Variants in PPFIBP2 observed in about 807,000 individuals in gnomAD.
PPFIBP2 encodes liprin-beta-2.
PPFIBP2 carries 118 observed loss-of-function variants against 118.3 expected under a neutral mutation model. The observed-to-expected ratio is 1.00, with a 90% confidence interval of 0.86 to 1.16. The LOEUF is 1.16. Among genes scored for constraint, PPFIBP2 ranks in the 50% most tolerant of loss-of-function variants. PPFIBP2 has a pLI of 0.00. For synonymous variants in PPFIBP2, 414 were observed against 397.4 expected (o/e 1.04, Z -0.50); for missense variants, 1,195 against 1,073.1 (o/e 1.11, Z -1.59).
chr11:7,625,326 G>A (rs977315725), intron 7 of PPFIBP2, among the ~76,000 whole-genome samples: 2 of 152,222 alleles, frequency 1.3e-5, no homozygotes. Context: ...CATTTTCTCT[G>A]TGGGTTGGAA....
chr11:7,516,772 C>A (rs1029366056), intron 1 of PPFIBP2, among the ~76,000 whole-genome samples: 4 of 152,148 alleles, frequency 2.6e-5, no homozygotes, highest in Non-Finnish European at 5.9e-5. Context: ...TGTCTTCTGG[C>A]CGGCTGTCTT....
the PPFIBP2 span, chr11:7,665,785 G>A: frequency 2.1e-6 from 3 of 1,459,168 alleles, no homozygotes; most frequent in African/African-American, 1.4e-5. Context: ...CTGTCTGTCA[G>A]CTGTCAGCAT....
At chr11:7,517,909 A>C (rs1348453626) in intron 1 of PPFIBP2, among the ~76,000 whole-genome samples, 1 of 152,186 alleles carries the variant, frequency 6.6e-6, no homozygotes, top group Non-Finnish European at 1.5e-5. Flanking sequence ...GGCCGCTCAT[A>C]GTCCGACTTC....
chr11:7,621,521 GC>G (rs1340608731), intron 7 of PPFIBP2, among the ~76,000 whole-genome samples: 1 of 152,174 alleles, frequency 6.6e-6, no homozygotes, highest in Non-Finnish European at 1.5e-5. Flanking sequence ...AAACTAGGGA[GC>G]CTGCAATTTA....
chr11:7,656,922 G>C, downstream of PPFIBP2: 1 of 664,716 alleles, frequency 1.5e-6, no homozygotes, highest in Non-Finnish European at 2.4e-6. Context: ...GTCTCAGACA[G>C]GCTGCTGACA....
intron 4 of PPFIBP2, among the ~76,000 whole-genome samples, chr11:7,593,425 C>T (rs923421945): frequency 2.6e-5 from 4 of 152,160 alleles, no homozygotes; most frequent in African/African-American, 9.7e-5. Flanking sequence ...CTTAGGGGGG[C>T]TGTGAATTCA....
chr11:7,589,043 TTGAA>T (rs1311968408), intron 3 of PPFIBP2, among the ~76,000 whole-genome samples: 1 of 152,160 alleles, frequency 6.6e-6, no homozygotes, highest in Non-Finnish European at 1.5e-5. Flanking sequence ...GTCTGAAAAT[TTGAA>T]TGAGAAGATT....
In PPFIBP2 at chr11:7,597,825, G is replaced by C. The variant is rs1034978070; in HGVS notation, c.486+152G>C. On this transcript the variant is annotated intron_variant, in intron 5 of 23. Coordinates refer to ENST00000299492, the MANE Select transcript of PPFIBP2 (RefSeq NM_003621.5). ...TCAGTTGTACGGTGTTTATACAGCA[G>C]GTGAAACCAACCTGAACGTTGAGAG... 3 of 630,554 alleles carry C rather than the reference G, an allele frequency of 4.8e-6. No homozygotes were observed. In the African/African-American group the frequency reaches 5.5e-5, roughly 12 times the overall value. 39.1% of individuals were successfully genotyped at this position (630,554 alleles called of 1,614,324 possible).
chr11:7,598,058 G>A (rs1038096205), intron 5 of PPFIBP2: 4 of 170,230 alleles, frequency 2.3e-5, no homozygotes, highest in African/African-American at 9.5e-5. Context: ...ATCTCGCTCT[G>A]CCTCTTCCTA....
intron 1 of PPFIBP2, among the ~76,000 whole-genome samples, chr11:7,540,734 G>GA (rs1325589582): frequency 6.6e-6 from 1 of 152,200 alleles, no homozygotes; most frequent in Non-Finnish European, 1.5e-5. Context: ...GGAGATGGCT[G>GA]TGCACAGCTG....
At chr11:7,587,303 G>T (rs2135142014) in intron 3 of PPFIBP2, among the ~76,000 whole-genome samples, 1 of 152,292 alleles carries the variant, frequency 6.6e-6, no homozygotes, top group Admixed American at 6.5e-5. Flanking sequence ...ACTATAGTTG[G>T]CTTAGGACTG....
chr11:7,574,682 A>G (rs1049520840), intron 3 of PPFIBP2, among the ~76,000 whole-genome samples: 8 of 152,070 alleles, frequency 5.3e-5, no homozygotes, highest in Non-Finnish European at 1.0e-4. Flanking sequence ...GGCCAGTGTG[A>G]TGAGGGAGCC....
the PPFIBP2 span, chr11:7,666,491 G>C: frequency 6.2e-7 from 1 of 1,613,422 alleles, no homozygotes; most frequent in Non-Finnish European, 8.5e-7. Flanking sequence ...GGTTGAACTG[G>C]TCTGGGTGAG....
intron 8 of PPFIBP2, among the ~76,000 whole-genome samples, chr11:7,627,936 C>T (rs2135717910): frequency 6.6e-6 from 1 of 152,242 alleles, no homozygotes. Flanking sequence ...GTCAGAAGCC[C>T]AGGTGCATGC....
At position 7,575,258 on chromosome 11, in the gene PPFIBP2, A is replaced by G. The variant is rs376361278; in HGVS notation, c.279+9491A>G. Among the ~76,000 whole-genome samples, 8 of 152,324 alleles carry G rather than the reference A, an allele frequency of 5.3e-5. No individual in the cohort carries two copies. In the East Asian group the frequency reaches 7.7e-4, roughly 15 times the overall value. On this transcript the variant is annotated intron_variant, in intron 3 of 23. Transcript: ENST00000299492. ...TGGAAGTAGGAGAAGTGAGTTGGAAATCAGACACACTTCTGACAGTCTGGT... is the reference window on the plus strand; with the variant it reads ...TGGAAGTAGGAGAAGTGAGTTGGAAGTCAGACACACTTCTGACAGTCTGGT...
downstream of PPFIBP2, among the ~76,000 whole-genome samples, chr11:7,658,879 G>C (rs1854826445): frequency 1.0e-5 from 1 of 98,980 alleles, no homozygotes; most frequent in African/African-American, 4.0e-5. Context: ...GTTTTGATTT[G>C]CATTTCTCTG....
chr11:7,535,868 G>T (rs1263344273), intron 1 of PPFIBP2, among the ~76,000 whole-genome samples: 2 of 152,142 alleles, frequency 1.3e-5, no homozygotes, highest in Admixed American at 6.5e-5. Context: ...AGACCTGGTG[G>T]CTCACACGGG....
chr11:7,514,585 G>T (rs1849068035), intron 1 of PPFIBP2, among the ~76,000 whole-genome samples: 1 of 152,242 alleles, frequency 6.6e-6, no homozygotes, highest in Non-Finnish European at 1.5e-5. Context: ...TCTAGATGCA[G>T]GGCCTCGGCT....
At chr11:7,666,718 A>C in the PPFIBP2 span, 1 of 537,612 alleles carries the variant, frequency 1.9e-6, no homozygotes. Context: ...CCTGAAGCTC[A>C]AACCCTTTGT....
Sources: allele counts gnomAD v4.1 joint callset (sites outside exome capture counted in the v4.1 genomes callset), GRCh38; gene constraint gnomAD v4.1.1; transcripts MANE v1.5; gene names NCBI Gene and HGNC (gene_info 2026-07-23, HGNC 2026-07-21).